SNTB1: variants seen among roughly 807,000 people sequenced by gnomAD.
SNTB1 encodes beta-1-syntrophin.
In SNTB1, 36 loss-of-function variants were observed where a neutral mutation model predicts 48.9. The observed-to-expected ratio is 0.74, with a 90% CI of 0.56 to 0.97. The LOEUF (loss-of-function observed/expected upper bound fraction) is 0.97, where lower values mean the gene tolerates loss of function less well. SNTB1 is among the 50% of genes least tolerant of loss of function. The pLI is 0.00. For missense variants in SNTB1, 786 were observed against 703.4 expected (o/e 1.12, Z -1.33); for synonymous variants, 299 against 294.6 (o/e 1.01, Z -0.15).
intron 4 of SNTB1, chr8:120,571,339 C>T (rs1343352987): frequency 7.8e-7 from 1 of 1,288,010 alleles, no homozygotes; most frequent in Non-Finnish European, 1.0e-6. Flanking sequence ...GTCTCAGAAT[C>T]TGAAGATAAT....
chr8:120,703,270 G>A (rs1818333739), intron 1 of SNTB1, among the ~76,000 whole-genome samples: 1 of 152,184 alleles, frequency 6.6e-6, no homozygotes, highest in African/African-American at 2.4e-5. Context: ...GATTATAGGT[G>A]CGCAGCACCA....
intron 1 of SNTB1, among the ~76,000 whole-genome samples, chr8:120,803,171 C>A (rs1820259597): frequency 6.6e-6 from 1 of 152,102 alleles, no homozygotes; most frequent in Non-Finnish European, 1.5e-5. Context: ...TGCTTCAAAC[C>A]ACAGGTAGAT....
At chr8:120,675,672 A>G (rs902204685) in intron 2 of SNTB1, among the ~76,000 whole-genome samples, 1 of 152,228 alleles carries the variant, frequency 6.6e-6, no homozygotes, top group Admixed American at 6.5e-5. Context: ...AGGCCTGGAA[A>G]TGCAGGGGAA....
chr8:120,600,428 G>T (rs534016505), intron 3 of SNTB1, among the ~76,000 whole-genome samples: 38 of 152,320 alleles, frequency 2.5e-4, no homozygotes, highest in Admixed American at 2.1e-3. Context: ...GTACAGCTCA[G>T]TGCAGTTTCC....
intron 3 of SNTB1, among the ~76,000 whole-genome samples, chr8:120,612,030 C>T (rs991453003): frequency 6.6e-6 from 1 of 152,034 alleles, no homozygotes; most frequent in Non-Finnish European, 1.5e-5. Context: ...CACTGAATTT[C>T]CATTTGATTT....
intron 4 of SNTB1, among the ~76,000 whole-genome samples, chr8:120,564,687 G>A (rs1436531707): frequency 1.4e-5 from 2 of 146,326 alleles, no homozygotes; most frequent in Non-Finnish European, 3.0e-5. Flanking sequence ...TCCTGCCTCA[G>A]CCTCCCAAGT....
intron 3 of SNTB1, among the ~76,000 whole-genome samples, chr8:120,593,983 T>C (rs928377534): frequency 1.3e-5 from 2 of 152,222 alleles, no homozygotes; most frequent in African/African-American, 4.8e-5. Context: ...TTTGAGATTT[T>C]ATGGGCCTTT....
At chr8:120,565,928 G>A (rs1408206595) in intron 4 of SNTB1, among the ~76,000 whole-genome samples, 1 of 152,174 alleles carries the variant, frequency 6.6e-6, no homozygotes, top group Admixed American at 6.5e-5. Context: ...GACTTGGGGA[G>A]CCAGGTGTGG....
In SNTB1 at chr8:120,591,877, A is replaced by T. The variant is rs150418288; in HGVS notation, c.997-16652T>A. On this transcript the variant is annotated intron_variant, in intron 3 of 6. Coordinates refer to ENST00000517992, the MANE Select transcript of SNTB1 (RefSeq NM_021021.4). ...TCAGTGGCTACAAAGATCCATTTTC[A>T]TTAAATTGCAAAAGGGACAGCTCAG... 7.3e-3 allele frequency among the ~76,000 whole-genome samples: 1,105 copies of T among 152,330 alleles called. 12 individuals are homozygous for T. Among genetic ancestry groups the T allele is most frequent in the African/African-American group, 0.022 (932 of 41,580 alleles).
At chr8:120,754,518 T>TTCTGGGATTGAGATTCCTTG (rs1819281473) in intron 1 of SNTB1, among the ~76,000 whole-genome samples, 3 of 151,942 alleles carry the variant, frequency 2.0e-5, no homozygotes, top group African/African-American at 7.3e-5. Flanking sequence ...AGAAATCTAG[T>TTCTGGGATTGAGATTCCTTG]TCTGGGATTG....
At chr8:120,703,171 C>T (rs1351646585) in intron 1 of SNTB1, among the ~76,000 whole-genome samples, 3 of 152,216 alleles carry the variant, frequency 2.0e-5, no homozygotes, top group Non-Finnish European at 4.4e-5. Context: ...GTCGCCCAGG[C>T]TGGAGTGCAG....
intron 1 of SNTB1, among the ~76,000 whole-genome samples, chr8:120,701,810 G>A (rs1439119202): frequency 2.6e-5 from 4 of 152,228 alleles, no homozygotes; most frequent in Admixed American, 6.5e-5. Context: ...AGAAGTCATA[G>A]GACGTTCTTG....
chr8:120,555,614 A>G (rs1454238011), intron 4 of SNTB1, among the ~76,000 whole-genome samples: 2 of 152,214 alleles, frequency 1.3e-5, no homozygotes, highest in African/African-American at 4.8e-5. Flanking sequence ...TTCAACTTAC[A>G]GGCTGCTCTT....
intron 1 of SNTB1, among the ~76,000 whole-genome samples, chr8:120,757,373 A>G (rs1335877126): frequency 6.6e-6 from 1 of 152,168 alleles, no homozygotes; most frequent in Non-Finnish European, 1.5e-5. Flanking sequence ...AGGTTAAAGA[A>G]AAGGAGGAAA....
chr8:120,796,309 G>T (rs1820118161), intron 1 of SNTB1, among the ~76,000 whole-genome samples: 1 of 151,940 alleles, frequency 6.6e-6, no homozygotes, highest in African/African-American at 2.4e-5. Context: ...CCAGTTTCAG[G>T]TATTTGTTTA....
At chr8:120,639,801 G>A (rs1305584869) in intron 2 of SNTB1, among the ~76,000 whole-genome samples, 2 of 152,208 alleles carry the variant, frequency 1.3e-5, no homozygotes, top group Admixed American at 6.5e-5. Flanking sequence ...ACAGTTTGAA[G>A]TCAGGTAGCA....
intron 3 of SNTB1, among the ~76,000 whole-genome samples, chr8:120,587,599 C>T (rs1230575749): frequency 2.0e-5 from 3 of 152,198 alleles, no homozygotes; most frequent in African/African-American, 7.2e-5. Context: ...CAACTAAAGT[C>T]ACACCTAGTC....
In SNTB1 at chr8:120,811,960, TGGC is replaced by T. The variant is rs1298081982; in HGVS notation, c.-120_-118del. On this transcript the variant is annotated 5_prime_UTR_variant, in exon 1 of 7. Coordinates refer to ENST00000517992, the MANE Select transcript of SNTB1 (RefSeq NM_021021.4). ...GAGGAGAGTGCGTCCCGCGGGGAGGTGGCGGCACGCGGGACTCCGCTCCGGGAG... is the reference window on the plus strand; with the variant it reads ...GAGGAGAGTGCGTCCCGCGGGGAGGTGGCACGCGGGACTCCGCTCCGGGAG... 18 of 1,269,310 alleles carry T rather than the reference TGGC, an allele frequency of 1.4e-5. No homozygotes were observed. In the African/African-American group the frequency reaches 2.9e-4, roughly 20 times the overall value. The allele number at this position is 1,269,310 out of a possible 1,614,324, so 78.6% of individuals were successfully genotyped here.
rs144874809 is a variant in SNTB1, at chr8:120,693,697, C to G, written c.783G>C (p.Glu261Asp). 4.3e-6 allele frequency: 7 copies of G among 1,613,726 alleles called. No homozygotes were observed. The highest frequency in any genetic ancestry group is 2.7e-5 in the African/African-American group (2 of 74,918). Residue 261 changes from glutamate (E) to aspartate (D), a missense_variant, in exon 2 of 7, where the codon GAG (glutamate) becomes GAC (aspartate). Transcript: ENST00000517992. Reference protein sequence around the residue: ...VTRSMALADPENRQLEIHSPD... With the variant: ...VTRSMALADPDNRQLEIHSPD... ...AGAGTTTTGACCCTATTTACCTGTT[C>G]TCAGGGTCGGCCAAGGCCATACTCC...
Sources: allele counts gnomAD v4.1 joint callset (sites outside exome capture counted in the v4.1 genomes callset), GRCh38; gene constraint gnomAD v4.1.1; transcripts MANE v1.5; gene names NCBI Gene and HGNC (gene_info 2026-07-23, HGNC 2026-07-21).